CNTN5: variants seen among roughly 807,000 people sequenced by gnomAD.
CNTN5 encodes the protein contactin-5.
CNTN5 carries 77 observed loss-of-function variants against 129.1 expected under a neutral mutation model. The ratio of observed to expected loss-of-function variants is 0.60; its 90% CI spans 0.50 to 0.72. CNTN5 has a LOEUF of 0.72. CNTN5 is among the 30% of genes least tolerant of loss of function. CNTN5 has a pLI of 0.00. For missense variants in CNTN5, 1,478 were observed against 1,328.8 expected, an observed-to-expected ratio of 1.11 and a Z score of -1.75; for synonymous variants, 509 against 465.6, an observed-to-expected ratio of 1.09 and a Z score of -1.20.
chr11:99,897,144 G>T (rs1328542383), intron 6 of CNTN5, among the ~76,000 whole-genome samples: 2 of 152,046 alleles, frequency 1.3e-5, no homozygotes, highest in Non-Finnish European at 1.5e-5. Context: ...AAACCTTTGA[G>T]AAATAAGAGA....
intron 16 of CNTN5, among the ~76,000 whole-genome samples, chr11:100,251,655 G>A (rs1949965756): frequency 6.6e-6 from 1 of 151,848 alleles, no homozygotes; most frequent in Admixed American, 6.6e-5. Flanking sequence ...TCACATATAA[G>A]TGAGAACATG....
intron 2 of CNTN5, among the ~76,000 whole-genome samples, chr11:99,361,096 A>G (rs1259106692): frequency 1.3e-5 from 2 of 152,080 alleles, no homozygotes; most frequent in Non-Finnish European, 2.9e-5. Flanking sequence ...GTTTCCAATA[A>G]TATGTTCCTT....
intron 21 of CNTN5, among the ~76,000 whole-genome samples, chr11:100,334,866 A>G (rs898265483): frequency 3.3e-5 from 5 of 152,118 alleles, no homozygotes; most frequent in Non-Finnish European, 7.4e-5. Flanking sequence ...AATCTCAGAA[A>G]TCACCACTAA....
chr11:100,115,378 C>CTAT (rs1945810835), intron 13 of CNTN5, among the ~76,000 whole-genome samples: 1 of 151,990 alleles, frequency 6.6e-6, no homozygotes, highest in South Asian at 2.1e-4. Context: ...TATTGAGTGA[C>CTAT]TATTATGCAA....
intron 3 of CNTN5, among the ~76,000 whole-genome samples, chr11:99,745,757 C>A (rs1944035800): frequency 6.7e-6 from 1 of 149,230 alleles, no homozygotes; most frequent in South Asian, 2.1e-4. Context: ...ATAGTTAATT[C>A]ATTGAAAATT....
chr11:99,499,938 G>A (rs921395302), intron 2 of CNTN5, among the ~76,000 whole-genome samples: 2 of 152,128 alleles, frequency 1.3e-5, no homozygotes, highest in South Asian at 2.1e-4. Context: ...TTTGGCAAGA[G>A]TATTTATGAC....
chr11:99,040,391 G>C (rs185535183), intron 1 of CNTN5, among the ~76,000 whole-genome samples: 1 of 151,976 alleles, frequency 6.6e-6, no homozygotes, highest in African/African-American at 2.4e-5. Flanking sequence ...AGTATATGTA[G>C]TAAATACATT....
intron 9 of CNTN5, among the ~76,000 whole-genome samples, chr11:100,060,226 A>G (rs1033403478): frequency 3.3e-5 from 5 of 151,904 alleles, no homozygotes; most frequent in Admixed American, 6.6e-5. Context: ...AAAAAAAAAA[A>G]AAAAAGAAAA....
At chr11:100,301,265 A>T (rs561291028) in intron 20 of CNTN5, among the ~76,000 whole-genome samples, 1 of 151,666 alleles carries the variant, frequency 6.6e-6, no homozygotes, top group East Asian at 1.9e-4. Context: ...CACGCTTTGT[A>T]TAGTAACAAC....
Position 99,876,472 on chromosome 11 carries a change from C to T in CNTN5, c.577+31210C>T, listed in dbSNP as rs543745554. The stretch of plus-strand genomic sequence containing the variant: ...GCAATGCATGAGCCCTATTTAGCTT[C>T]TTTCTCATGATCCAGCCGCACTATA... On this transcript the variant is annotated intron_variant, in intron 6 of 24. Transcript: ENST00000524871. Among the ~76,000 whole-genome samples the T allele has an allele frequency of 5.3e-5, 8 of 152,240 alleles. No individual in the cohort carries two copies. In the South Asian group the frequency reaches 1.7e-3, roughly 32 times the overall value.
intron 2 of CNTN5, among the ~76,000 whole-genome samples, chr11:99,387,282 A>G (rs1191735176): frequency 1.3e-5 from 2 of 152,132 alleles, no homozygotes; most frequent in South Asian, 2.1e-4. Context: ...TAAGACCAAT[A>G]TGTTGCCACA....
intron 9 of CNTN5, among the ~76,000 whole-genome samples, chr11:100,036,061 G>A (rs370418436): frequency 6.6e-6 from 1 of 152,116 alleles, no homozygotes; most frequent in African/African-American, 2.4e-5. Flanking sequence ...GTCATGAATG[G>A]TATTGCCTAG....
At chr11:99,863,959 G>A (rs1009211777) in intron 6 of CNTN5, among the ~76,000 whole-genome samples, 5 of 152,060 alleles carry the variant, frequency 3.3e-5, no homozygotes, top group South Asian at 4.2e-4. Context: ...TTTCTTATCC[G>A]TAATTGAGGA....
intron 18 of CNTN5, among the ~76,000 whole-genome samples, chr11:100,290,174 A>G (rs995243154): frequency 1.3e-4 from 19 of 151,860 alleles, no homozygotes; most frequent in Non-Finnish European, 2.8e-4. Flanking sequence ...GAAAATGGCC[A>G]TACTGCCCAA....
At position 99,271,059 on chromosome 11, in the gene CNTN5, TAAATG is replaced by T. The variant is rs1863147829; in HGVS notation, c.-209-54284_-209-54280del. Among the ~76,000 whole-genome samples, 4 of 152,074 alleles carry T rather than the reference TAAATG, an allele frequency of 2.6e-5. No homozygotes were observed. In the South Asian group the frequency reaches 8.3e-4, roughly 31 times the overall value. ...TGGAACATGATAAATATTTGCTAGA[TAAATG>T]AATGAATGAGTGTACAAACTGGCAT... On this transcript the variant is annotated intron_variant, in intron 1 of 24. Coordinates refer to ENST00000524871, the MANE Select transcript of CNTN5 (RefSeq NM_014361.4).
chr11:99,852,471 C>T lies in CNTN5; in HGVS notation c.577+7209C>T, dbSNP rs116534063. 4.4e-3 allele frequency among the ~76,000 whole-genome samples: 675 copies of T among 152,180 alleles called. 4 individuals are homozygous for T. The highest frequency in any genetic ancestry group is 0.016 in the African/African-American group (649 of 41,516). ...GGATTAGAGGCATGAGCCAAGATACCCAGCCTAATTTTATACTTTTAAAGC... is the reference window on the plus strand; with the variant it reads ...GGATTAGAGGCATGAGCCAAGATACTCAGCCTAATTTTATACTTTTAAAGC... On this transcript the variant is annotated intron_variant, in intron 6 of 24. Coordinates refer to ENST00000524871, the MANE Select transcript of CNTN5 (RefSeq NM_014361.4).
intron 1 of CNTN5, among the ~76,000 whole-genome samples, chr11:99,294,282 C>T (rs1417184824): frequency 1.3e-5 from 2 of 152,028 alleles, no homozygotes; most frequent in African/African-American, 2.4e-5. Context: ...AAGACACCAC[C>T]AAATAATTGT....
intron 3 of CNTN5, among the ~76,000 whole-genome samples, chr11:99,768,970 T>G (rs1000760949): frequency 2.6e-5 from 4 of 152,170 alleles, no homozygotes; most frequent in African/African-American, 7.2e-5. Context: ...ACTTTCTAAT[T>G]ACATCATTCC....
intron 3 of CNTN5, among the ~76,000 whole-genome samples, chr11:99,775,865 G>T (rs978198710): frequency 2.0e-5 from 3 of 151,836 alleles, no homozygotes; most frequent in Non-Finnish European, 4.4e-5. Context: ...AGAAGGAAAA[G>T]AAAAACTCCT....
Sources: allele counts gnomAD v4.1 joint callset (sites outside exome capture counted in the v4.1 genomes callset), GRCh38; gene constraint gnomAD v4.1.1; transcripts MANE v1.5; gene names NCBI Gene and HGNC (gene_info 2026-07-23, HGNC 2026-07-21).